Variants in WDR25 observed in about 807,000 individuals in gnomAD.
WDR25 encodes WD repeat-containing protein 25.
In WDR25, 35 loss-of-function variants were observed where a neutral mutation model predicts 47.7. That is an observed-to-expected ratio of 0.73 (90% CI 0.56 to 0.97). WDR25 has a LOEUF of 0.97. Among genes scored for constraint, WDR25 ranks in the 50% least tolerant of loss-of-function variants. WDR25 has a pLI of 0.00. For missense variants in WDR25, 634 were observed against 704.7 expected (o/e 0.90, Z 1.14); for synonymous variants, 248 against 278.9 (o/e 0.89, Z 1.10).
intron 3 of WDR25, among the ~76,000 whole-genome samples, chr14:100,478,366 G>A (rs2140311361): frequency 6.6e-6 from 1 of 152,322 alleles, no homozygotes; most frequent in South Asian, 2.1e-4. Context: ...GACAGAGCTG[G>A]GATGGGATCT....
Position 100,529,975 on chromosome 14 carries a change from T to G in WDR25, c.1569T>G (p.Tyr523Ter). ...CACAGGCCTGTGTCGGCACCACCTA[T>G]CACCCCGTGCTGCCCTCCGTCCTCG... is the stretch of plus-strand genomic sequence containing the variant. The part of the protein sequence containing the change: ...GHTQACVGTT[Y>*]HPVLPSVLAT... The change falls in exon 7 of 7, where the codon TAT becomes TAG. Residue 523 changes from tyrosine to a stop codon, truncating the protein, a stop_gained. Transcript: ENST00000402312. LOFTEE classifies it high-confidence loss of function. This position sits in a 1 kb window ranked among gnomAD's most constrained non-coding sequence, Gnocchi z 5.1. 4 of 1,613,224 alleles carry G rather than the reference T, an allele frequency of 2.5e-6. No homozygotes were observed. The highest frequency in any genetic ancestry group is 3.4e-6 in the Non-Finnish European group (4 of 1,179,918).
At chr14:100,494,222 G>C (rs539321538) in intron 4 of WDR25, among the ~76,000 whole-genome samples, 1 of 152,324 alleles carries the variant, frequency 6.6e-6, no homozygotes, top group South Asian at 2.1e-4. Flanking sequence ...ACTACACCTA[G>C]CAGTGCAGTG....
chr14:100,517,959 A>G lies in WDR25; in HGVS notation c.1102-7911A>G, dbSNP rs563795565. 1.9e-4 allele frequency among the ~76,000 whole-genome samples: 29 copies of G among 152,330 alleles called. No individual in the cohort carries two copies. The East Asian group carries it at 5.2e-3, about 27-fold the overall frequency. Reference sequence around the variant, plus strand: ...TGGATTACATCTACATACATTGAAGATCCCCTTCCCAGACAATGCTATATA... The same window carrying G: ...TGGATTACATCTACATACATTGAAGGTCCCCTTCCCAGACAATGCTATATA... On this transcript the variant is annotated intron_variant, in intron 4 of 6. Transcript: ENST00000402312.
At position 100,498,790 on chromosome 14, in the gene WDR25, C is replaced by T. The variant is rs773296048; in HGVS notation, c.1101+14666C>T. Among the ~76,000 whole-genome samples, 11 of 152,242 alleles carry T rather than the reference C, an allele frequency of 7.2e-5. No individual in the cohort carries two copies. The highest frequency in any genetic ancestry group is 1.3e-4 in the Non-Finnish European group (9 of 68,034). On this transcript the variant is annotated intron_variant, in intron 4 of 6. Coordinates refer to ENST00000402312, the MANE Select transcript of WDR25 (RefSeq NM_001161476.3). The surrounding 1 kb of genome is among the most constrained non-coding windows in gnomAD (Gnocchi z 4.2). ...ATTCCAAGCCCTGCTGGCCAGGCCA[C>T]GCCCCTGATTTGGAATGGTTTCTAC...
intron 4 of WDR25, among the ~76,000 whole-genome samples, chr14:100,492,957 G>A (rs781174180): frequency 1.8e-4 from 27 of 152,056 alleles, no homozygotes; most frequent in Admixed American, 5.2e-4. Flanking sequence ...GACTACAGGC[G>A]CCTGCCACCA....
chr14:100,530,231 T>A lies in WDR25; in HGVS notation c.*190T>A, dbSNP rs2030425160. The stretch of plus-strand genomic sequence containing the variant: ...CTCAGGAGTGTGAGGACTACACTAG[T>A]GAAAGCGCCTGGCGGGCAGCCGGCG... On this transcript the variant is annotated 3_prime_UTR_variant, in exon 7 of 7. Coordinates refer to ENST00000402312, the MANE Select transcript of WDR25 (RefSeq NM_001161476.3). 3.3e-6 allele frequency: 2 copies of A among 603,444 alleles called. No individual in the cohort carries two copies. The highest frequency in any genetic ancestry group is 5.6e-6 in the Non-Finnish European group (2 of 354,224). The allele number at this position is 603,444 out of a possible 1,614,324, so 37.4% of individuals were successfully genotyped here.
Position 100,529,178 on chromosome 14 carries a change from G to A in WDR25, c.1383G>A (p.Met461Ile). 2 of 1,613,162 alleles carry A rather than the reference G, an allele frequency of 1.2e-6. No individual in the cohort carries two copies. Among genetic ancestry groups the A allele is most frequent in the South Asian group, 2.2e-5 (2 of 91,064 alleles). Residue 461 changes from methionine to isoleucine, a missense_variant, in exon 6 of 7, where the codon ATG (methionine) becomes ATA (isoleucine). By Grantham distance (10) the Met-to-Ile change is conservative. Coordinates refer to ENST00000402312, the MANE Select transcript of WDR25 (RefSeq NM_001161476.3). The surrounding 1 kb of genome is among the most constrained non-coding windows in gnomAD (Gnocchi z 5.1). ...TCTCCACTGTGTGGCCCTACCGGAT[G>A]AGCAGACGGCGGCGCTATGAAGGGC... ...ALFSTVWPYRMSRRRRYEGHK... is the reference protein window; with the variant it reads ...ALFSTVWPYRISRRRRYEGHK...
chr14:100,482,495 T>C (rs1168185084), intron 3 of WDR25, among the ~76,000 whole-genome samples: 1 of 152,156 alleles, frequency 6.6e-6, no homozygotes, highest in Non-Finnish European at 1.5e-5. Flanking sequence ...AACACAGATA[T>C]CTATATATTG....
intron 2 of WDR25, among the ~76,000 whole-genome samples, chr14:100,431,286 C>CAT (rs1233287021): frequency 6.6e-6 from 1 of 152,184 alleles, no homozygotes; most frequent in East Asian, 1.9e-4. Context: ...TCTCTAGAAT[C>CAT]ATATAACTGC....
At position 100,449,510 on chromosome 14, in the gene WDR25, T is replaced by C. The variant is rs1595099576; in HGVS notation, c.823-18511T>C. Reference sequence around the variant, plus strand: ...GGTGGGAGAGGCTGTCTCAGCTGGGTCTCTGGAAAAGCTGAGGTCAGGAGG... The same window carrying C: ...GGTGGGAGAGGCTGTCTCAGCTGGGCCTCTGGAAAAGCTGAGGTCAGGAGG... On this transcript the variant is annotated intron_variant, in intron 2 of 6. Coordinates refer to ENST00000402312, the MANE Select transcript of WDR25 (RefSeq NM_001161476.3). This position sits in a 1 kb window ranked among gnomAD's most constrained non-coding sequence, Gnocchi z 4.2. Among the ~76,000 whole-genome samples, 1 of 152,142 alleles carries C rather than the reference T, an allele frequency of 6.6e-6. No homozygotes were observed. Among genetic ancestry groups the C allele is most frequent in the African/African-American group, 2.4e-5 (1 of 41,422 alleles).
At chr14:100,484,251 A>G (rs1449512245) in intron 4 of WDR25, 127 bp downstream of exon 4, 2 of 1,105,390 alleles carry the variant, frequency 1.8e-6, no homozygotes, top group African/African-American at 3.2e-5. Context: ...TTAATATTTA[A>G]TCAGTGCTAA....
intron 4 of WDR25, among the ~76,000 whole-genome samples, chr14:100,485,186 C>T (rs895953857): frequency 6.6e-6 from 1 of 151,968 alleles, no homozygotes; most frequent in South Asian, 2.1e-4. Context: ...GGCTTGCTGC[C>T]CCCTGTCATG....
intron 2 of WDR25, among the ~76,000 whole-genome samples, chr14:100,400,976 G>A (rs938607122): frequency 6.6e-6 from 1 of 152,132 alleles, no homozygotes; most frequent in African/African-American, 2.4e-5. Context: ...TGGGATCTTT[G>A]CAAATAAAAG....
intron 4 of WDR25, among the ~76,000 whole-genome samples, chr14:100,519,266 GGAGA>G (rs139840480): frequency 3.2e-3 from 478 of 147,650 alleles, no homozygotes; most frequent in Middle Eastern, 0.011. Context: ...TTTATAGGGG[GGAGA>G]GAGAGAGAGA....
At chr14:100,379,223 C>T (rs934044185) in intron 1 of WDR25, among the ~76,000 whole-genome samples, 6 of 152,132 alleles carry the variant, frequency 3.9e-5, no homozygotes, top group African/African-American at 9.7e-5. Flanking sequence ...ATCTAGCAAA[C>T]ATATGCTAGT....
At chr14:100,416,531 A>T (rs1897874327) in intron 2 of WDR25, among the ~76,000 whole-genome samples, 1 of 152,090 alleles carries the variant, frequency 6.6e-6, no homozygotes, top group Non-Finnish European at 1.5e-5. Context: ...CCCAAACATG[A>T]CACACCCTTT....
chr14:100,384,709 A>C (rs1023546929), intron 2 of WDR25, among the ~76,000 whole-genome samples: 4 of 152,172 alleles, frequency 2.6e-5, no homozygotes, highest in African/African-American at 9.7e-5. Flanking sequence ...TGGTGGGTGC[A>C]GCATGGAATG....
Position 100,523,966 on chromosome 14 carries a change from C to T in WDR25, c.1102-1904C>T, listed in dbSNP as rs937290266. The stretch of plus-strand genomic sequence containing the variant: ...CCTGGGGCATGAGCAGTTGTGAAGG[C>T]GAGTAAATCATGTTCGGTGGCGATC... On this transcript the variant is annotated intron_variant, in intron 4 of 6. Coordinates refer to ENST00000402312, the MANE Select transcript of WDR25 (RefSeq NM_001161476.3). The surrounding 1 kb of genome is among the most constrained non-coding windows in gnomAD (Gnocchi z 4.7). Among the ~76,000 whole-genome samples the T allele has an allele frequency of 5.9e-5, 9 of 152,098 alleles. No individual in the cohort carries two copies. The highest frequency in any genetic ancestry group is 1.2e-4 in the Non-Finnish European group (8 of 68,028).
intron 1 of WDR25, among the ~76,000 whole-genome samples, chr14:100,380,096 G>A (rs1896842865): frequency 6.7e-6 from 1 of 149,830 alleles, no homozygotes; most frequent in Admixed American, 6.7e-5. Flanking sequence ...CACCCAGGCT[G>A]GAGTGCAGTG....
Sources: gnomAD v4.1 joint callset for allele counts (sites outside exome capture counted in the v4.1 genomes callset) on GRCh38, gnomAD v4.1.1 for gene constraint, Gnocchi (gnomAD v3.1) non-coding constraint, MANE v1.5 for transcripts, NCBI Gene and HGNC (gene_info 2026-07-23, HGNC 2026-07-21) for gene names.